The following TRIM67 variants were observed in gnomAD, a reference collection of about 807,000 sequenced individuals.
The protein encoded by TRIM67 is tripartite motif-containing protein 67.
Under a neutral mutation model 71.0 loss-of-function variants are expected in TRIM67, and 39 were observed. The observed-to-expected ratio is 0.55, with a 90% CI of 0.43 to 0.72. TRIM67 has a LOEUF of 0.72. Ranked by LOEUF, TRIM67 falls within the 30% of genes least tolerant of loss-of-function variation. The pLI is 0.00. For missense variants in TRIM67, 973 were observed against 1,079.2 expected (o/e 0.90, Z 1.38); for synonymous variants, 481 against 473.9 (o/e 1.01, Z -0.19).
At chr1:231,178,324 C>T (rs553571968) in intron 1 of TRIM67, among the ~76,000 whole-genome samples, 2 of 152,308 alleles carry the variant, frequency 1.3e-5, no homozygotes, top group African/African-American at 4.8e-5. Context: ...ATAAGAAAGC[C>T]AGTTGCAAGC....
intron 2 of TRIM67, among the ~76,000 whole-genome samples, chr1:231,198,831 T>G (rs950470960): frequency 1.3e-5 from 2 of 152,194 alleles, no homozygotes; most frequent in Non-Finnish European, 2.9e-5. Context: ...ATGAACAAGA[T>G]TTGAATGACT....
At chr1:231,202,693 G>T (rs1683585603) in intron 5 of TRIM67, among the ~76,000 whole-genome samples, 1 of 152,174 alleles carries the variant, frequency 6.6e-6, no homozygotes, top group Non-Finnish European at 1.5e-5. Flanking sequence ...AACTAAAGAA[G>T]GAAGTCTCTC....
At chr1:231,208,388 A>G (rs1456397985) in intron 7 of TRIM67, among the ~76,000 whole-genome samples, 2 of 151,924 alleles carry the variant, frequency 1.3e-5, no homozygotes, top group Non-Finnish European at 2.9e-5. Flanking sequence ...GTTAGCCAGG[A>G]TGGTCTTGAT....
chr1:231,202,541 C>T (rs1387291275), intron 5 of TRIM67, among the ~76,000 whole-genome samples: 3 of 152,082 alleles, frequency 2.0e-5, no homozygotes, highest in Non-Finnish European at 4.4e-5. Context: ...TGGCCAGAAC[C>T]GGAGTCCTAC....
chr1:231,197,620 G>C (rs1683402892), intron 2 of TRIM67, among the ~76,000 whole-genome samples, 154 bp downstream of exon 2: 1 of 152,214 alleles, frequency 6.6e-6, no homozygotes, highest in Non-Finnish European at 1.5e-5. Context: ...GAGATTGGGA[G>C]TTTGAGACCA....
chr1:231,204,763 A>G (rs564214410), intron 6 of TRIM67, among the ~76,000 whole-genome samples: 2 of 151,930 alleles, frequency 1.3e-5, no homozygotes, highest in East Asian at 3.9e-4. Context: ...TCATAACAAC[A>G]CTCGCATCTC....
At chr1:231,178,871 C>T (rs1682826535) in intron 1 of TRIM67, among the ~76,000 whole-genome samples, 1 of 152,164 alleles carries the variant, frequency 6.6e-6, no homozygotes, top group Non-Finnish European at 1.5e-5. Flanking sequence ...TCCTATTACA[C>T]CTTCGGGGCA....
chr1:231,207,800 C>T (rs1683746940), intron 7 of TRIM67, among the ~76,000 whole-genome samples: 1 of 152,114 alleles, frequency 6.6e-6, no homozygotes, highest in Non-Finnish European at 1.5e-5. Context: ...CAGAGATGAG[C>T]GGTCCTTGCC....
At chr1:231,199,372 T>C (rs1266389718) in intron 3 of TRIM67, among the ~76,000 whole-genome samples, 2 of 152,220 alleles carry the variant, frequency 1.3e-5, no homozygotes, top group Non-Finnish European at 2.9e-5. Flanking sequence ...ATATGCCCTG[T>C]GTCCTGAGGG....
In TRIM67 at chr1:231,215,608, G is replaced by T. The variant is rs1683995291; in HGVS notation, c.*168G>T. The T allele has an allele frequency of 6.4e-6, 9 of 1,402,106 alleles. No individual in the cohort carries two copies. The highest frequency in any genetic ancestry group is 8.4e-6 in the Non-Finnish European group (9 of 1,075,396). 86.9% of individuals were successfully genotyped at this position (1,402,106 alleles called of 1,614,324 possible). ...ACATTTTCTTGGGGACGCAGGGAAT[G>T]GGTCCACGGGCCATGCTCACAGCTG... is the stretch of plus-strand genomic sequence containing the variant. On this transcript the variant is annotated 3_prime_UTR_variant, in exon 10 of 10. Coordinates refer to ENST00000366653, the MANE Select transcript of TRIM67 (RefSeq NM_001004342.5).
chr1:231,196,963 G>A (rs1006703428), intron 1 of TRIM67, among the ~76,000 whole-genome samples: 4 of 152,078 alleles, frequency 2.6e-5, no homozygotes, highest in African/African-American at 9.7e-5. Flanking sequence ...ACTGTGTAGG[G>A]ATGGGGTGGA....
At position 231,163,247 on chromosome 1, in the gene TRIM67, G is replaced by C. The variant is rs1424401449; in HGVS notation, c.278G>C (p.Gly93Ala). 1 of 1,508,284 alleles carries C rather than the reference G, an allele frequency of 6.6e-7. No individual in the cohort carries two copies. The highest frequency in any genetic ancestry group is 8.9e-7 in the Non-Finnish European group (1 of 1,128,450). The allele number at this position is 1,508,284 out of a possible 1,614,324, so 93.4% of individuals were successfully genotyped here. A position where few individuals can be genotyped will look rare whatever the true frequency, so the allele number is the denominator to read the frequency against. ...GCTGGCGGCCTCGGCGGCGGTGCGG[G>C]AGGTGGCGGAGACCACGCGGACAAG... ...SAAGGLGGGAGGGGDHADKLS... is the reference protein window; with the variant it reads ...SAAGGLGGGAAGGGDHADKLS... Residue 93 changes from glycine to alanine, a missense_variant, in exon 1 of 10, where the codon GGA becomes GCA. By Grantham distance (60) the Gly-to-Ala change is moderately conservative. Coordinates refer to ENST00000366653, the MANE Select transcript of TRIM67 (RefSeq NM_001004342.5).
At chr1:231,197,592 G>A (rs1370332929) in intron 2 of TRIM67, 126 bp downstream of exon 2, 39 of 726,988 alleles carry the variant, frequency 5.4e-5, no homozygotes, top group African/African-American at 5.3e-5. Flanking sequence ...TTGGGAGGCC[G>A]AGGCGGGCAG....
chr1:231,172,423 G>A (rs1682641409), intron 1 of TRIM67, among the ~76,000 whole-genome samples: 1 of 152,208 alleles, frequency 6.6e-6, no homozygotes, highest in South Asian at 2.1e-4. Flanking sequence ...CAGAAGGGAT[G>A]TGAGAGAGAT....
At chr1:231,174,428 A>G (rs1682693991) in intron 1 of TRIM67, among the ~76,000 whole-genome samples, 1 of 151,958 alleles carries the variant, frequency 6.6e-6, no homozygotes, top group Non-Finnish European at 1.5e-5. Context: ...AGCCACCCAA[A>G]GTGTTGGGAT....
Position 231,173,742 on chromosome 1 carries a change from A to G in TRIM67, c.1044+9729A>G, listed in dbSNP as rs148083019. On this transcript the variant is annotated intron_variant, in intron 1 of 9. Coordinates refer to ENST00000366653, the MANE Select transcript of TRIM67 (RefSeq NM_001004342.5). ...TATGGGTAACCATCAGAAGGATTTA[A>G]GCTGGGGTGTGATGTTTCTTTTCTA... is the stretch of plus-strand genomic sequence containing the variant. Among the ~76,000 whole-genome samples, 340 of 152,318 alleles carry G rather than the reference A, an allele frequency of 2.2e-3. 8 individuals are homozygous for G. The East Asian group carries it at 0.052, about 23-fold the overall frequency.
chr1:231,200,034 C>T, intron 3 of TRIM67, 114 bp from the exon 4 acceptor site: 1 of 742,056 alleles, frequency 1.3e-6, no homozygotes, highest in South Asian at 1.6e-5. Flanking sequence ...CAAGGTGGTC[C>T]AGGCCAGCGC....
intron 8 of TRIM67, 21 bp from the exon 9 acceptor site, chr1:231,213,794 T>C (rs1316166583): frequency 1.3e-6 from 2 of 1,560,680 alleles, no homozygotes; most frequent in Non-Finnish European, 1.7e-6. Flanking sequence ...GTGATGGTCT[T>C]CCTGGGGACT....
chr1:231,214,838 G>C lies in TRIM67; in HGVS notation c.2287-537G>C, dbSNP rs995774325. ...GGCTTGGCCTGACATGGTGGCTCAC[G>C]CCTGTAACTCCAGTACTTTGGGAGG... On this transcript the variant is annotated intron_variant, in intron 9 of 9. Transcript: ENST00000366653. 1.7e-4 allele frequency among the ~76,000 whole-genome samples: 26 copies of C among 150,204 alleles called. No individual in the cohort carries two copies. The East Asian group carries it at 4.2e-3, about 24-fold the overall frequency.
Sources: gnomAD v4.1 joint callset for allele counts (sites outside exome capture counted in the v4.1 genomes callset) on GRCh38, gnomAD v4.1.1 for gene constraint, MANE v1.5 for transcripts, NCBI Gene and HGNC (gene_info 2026-07-23, HGNC 2026-07-21) for gene names.